The following IFT80 variants were observed in gnomAD, a reference collection of about 807,000 sequenced individuals.
IFT80 encodes intraflagellar transport 80.
Under a neutral mutation model 107.9 loss-of-function variants are expected in IFT80, and 79 were observed. The ratio of observed to expected loss-of-function variants is 0.73; its 90% CI spans 0.61 to 0.88. The LOEUF is 0.88. Among genes scored for constraint, IFT80 ranks in the 40% least tolerant of loss-of-function variants. The pLI is 0.00. For missense variants in IFT80, 797 were observed against 914.2 expected (o/e 0.87, Z 1.65); for synonymous variants, 299 against 300.9 (o/e 0.99, Z 0.07).
At chr3:160,349,766 G>A (rs985913730) in intron 8 of IFT80, among the ~76,000 whole-genome samples, 5 of 152,124 alleles carry the variant, frequency 3.3e-5, no homozygotes, top group Non-Finnish European at 4.4e-5. Context: ...AAAACATTGT[G>A]TGAGAAAAGC....
At chr3:160,365,315 A>G (rs1176733743) in intron 6 of IFT80, among the ~76,000 whole-genome samples, 2 of 152,130 alleles carry the variant, frequency 1.3e-5, no homozygotes, top group Non-Finnish European at 2.9e-5. Context: ...TGTAAAATAC[A>G]TATAGCATAA....
intron 10 of IFT80, 123 bp from the exon 11 acceptor site, chr3:160,304,112 T>C (rs1716647256): frequency 1.4e-6 from 1 of 699,588 alleles, no homozygotes; most frequent in South Asian, 1.6e-5. Flanking sequence ...TACATACTTT[T>C]ATTACAGCAC....
At chr3:160,389,589 T>G (rs1437284660) in intron 1 of IFT80, among the ~76,000 whole-genome samples, 2 of 150,668 alleles carry the variant, frequency 1.3e-5, no homozygotes, top group African/African-American at 2.4e-5. Flanking sequence ...TGTTTGGTTT[T>G]TTGTTCTTCC....
At chr3:160,373,139 C>G (rs774148134) in intron 5 of IFT80, among the ~76,000 whole-genome samples, 1 of 152,110 alleles carries the variant, frequency 6.6e-6, no homozygotes, top group Non-Finnish European at 1.5e-5. Context: ...AATTCCTGAG[C>G]TCAAGTGATC....
At chr3:160,277,240 GT>G in intron 18 of IFT80, 65 bp downstream of exon 18, 1 of 1,320,020 alleles carries the variant, frequency 7.6e-7, no homozygotes, top group South Asian at 1.2e-5. Context: ...AATTTACTAA[GT>G]GGTAGATGGA....
intron 12 of IFT80, among the ~76,000 whole-genome samples, chr3:160,294,563 T>C (rs1191533080): frequency 6.6e-6 from 1 of 152,222 alleles, no homozygotes; most frequent in Non-Finnish European, 1.5e-5. Context: ...AGTGTCTGAA[T>C]TGAATTACAG....
intron 8 of IFT80, among the ~76,000 whole-genome samples, chr3:160,345,564 G>T (rs141946301): frequency 1.3e-5 from 2 of 152,032 alleles, no homozygotes; most frequent in African/African-American, 4.8e-5. Flanking sequence ...TATGGTGGCA[G>T]GCAACTGTAA....
intron 1 of IFT80, among the ~76,000 whole-genome samples, chr3:160,393,277 C>A (rs1272567008): frequency 3.3e-5 from 5 of 152,028 alleles, no homozygotes; most frequent in African/African-American, 1.2e-4. Context: ...GAAATACTAT[C>A]AAAAATTAGA....
intron 19 of IFT80, among the ~76,000 whole-genome samples, chr3:160,259,313 G>A (rs969199622): frequency 4.6e-5 from 7 of 152,194 alleles, no homozygotes; most frequent in African/African-American, 1.7e-4. Flanking sequence ...CAAGGTAGGG[G>A]ATGAGATGGA....
chr3:160,282,414 A>G, intron 14 of IFT80, 64 bp downstream of exon 14: 1 of 1,127,006 alleles, frequency 8.9e-7, no homozygotes, highest in South Asian at 1.4e-5. Flanking sequence ...CATTCAAATT[A>G]TTTATTACAG....
At chr3:160,266,548 T>A (rs1412319247) in intron 19 of IFT80, among the ~76,000 whole-genome samples, 1 of 152,030 alleles carries the variant, frequency 6.6e-6, no homozygotes, top group East Asian at 1.9e-4. Context: ...CATGTCCAGC[T>A]AATTTTTAAA....
At position 160,257,753 on chromosome 3, in the gene IFT80, A is replaced by ACCC; in HGVS notation, c.*769_*771dup. 6.6e-6 allele frequency: 1 copy of ACCC among 151,272 alleles called. No homozygotes were observed. Among genetic ancestry groups the ACCC allele is most frequent in the Non-Finnish European group, 1.5e-5 (1 of 67,898 alleles). 9.4% of individuals were successfully genotyped at this position (151,272 alleles called of 1,614,324 possible). On this transcript the variant is annotated 3_prime_UTR_variant, in exon 20 of 20. Coordinates refer to ENST00000326448, the MANE Select transcript of IFT80 (RefSeq NM_020800.3). ...TATGTACTCGTTAAACAATAACCCCACCCCCCATTTCCTCCTCCCTGCAGT... is the reference window on the plus strand; with the variant it reads ...TATGTACTCGTTAAACAATAACCCCACCCCCCCCCATTTCCTCCTCCCTGCAGT...
intron 1 of IFT80, among the ~76,000 whole-genome samples, chr3:160,392,208 C>A (rs1012327159): frequency 6.6e-6 from 1 of 152,206 alleles, no homozygotes; most frequent in African/African-American, 2.4e-5. Flanking sequence ...CCAAATGTTA[C>A]TTTCTCCTAA....
intron 12 of IFT80, among the ~76,000 whole-genome samples, chr3:160,293,587 T>A (rs562874816): frequency 1.3e-5 from 2 of 152,180 alleles, no homozygotes; most frequent in African/African-American, 4.8e-5. Context: ...GTTTAATAAA[T>A]AATTTGTCTG....
At chr3:160,381,460 T>C (rs778729257) in intron 3 of IFT80, 43 bp downstream of exon 3, 3 of 1,437,306 alleles carry the variant, frequency 2.1e-6, no homozygotes, top group Non-Finnish European at 2.9e-6. Flanking sequence ...TATTAAGTCT[T>C]TTAAATACAA....
intron 8 of IFT80, among the ~76,000 whole-genome samples, chr3:160,339,968 A>G (rs563434323): frequency 6.5e-4 from 99 of 152,320 alleles, no homozygotes; most frequent in Non-Finnish European, 1.3e-3. Flanking sequence ...GCATATCCCC[A>G]AATATCGAGT....
chr3:160,313,268 T>A (rs552900073), intron 9 of IFT80, among the ~76,000 whole-genome samples: 7 of 149,716 alleles, frequency 4.7e-5, no homozygotes, highest in African/African-American at 1.7e-4. Context: ...TATAAAAACT[T>A]TAAAGGGAAG....
chr3:160,318,798 CAGG>C (rs1456644299), intron 9 of IFT80, among the ~76,000 whole-genome samples: 2 of 152,042 alleles, frequency 1.3e-5, no homozygotes, highest in South Asian at 2.1e-4. Flanking sequence ...ACAAGAGCAG[CAGG>C]AGGTCAGTCT....
intron 3 of IFT80, among the ~76,000 whole-genome samples, chr3:160,378,697 T>C (rs1406813833): frequency 1.3e-5 from 2 of 150,644 alleles, no homozygotes; most frequent in Non-Finnish European, 3.0e-5. Context: ...ACTGGCCAAA[T>C]CTAGGGCACT....
Sources: gnomAD v4.1 joint callset for allele counts (sites outside exome capture counted in the v4.1 genomes callset) on GRCh38, gnomAD v4.1.1 for gene constraint, MANE v1.5 for transcripts, NCBI Gene and HGNC (gene_info 2026-07-23, HGNC 2026-07-21) for gene names.